Variants in NAV2 observed in about 807,000 individuals in gnomAD.
The protein encoded by NAV2 is neuron navigator 2, also known as helicase, APC down-regulated 1.
Under a neutral mutation model 223.2 loss-of-function variants are expected in NAV2, and 54 were observed. The ratio of observed to expected loss-of-function variants is 0.24; its 90% CI spans 0.19 to 0.30. NAV2 has a LOEUF of 0.30. NAV2 is among the 10% of genes least tolerant of loss of function. The probability of loss-of-function intolerance (pLI) is 1.00; values close to 1 mark genes in which losing one functional copy is unlikely to be tolerated. For synonymous variants in NAV2, 1,279 were observed against 1,239.3 expected (o/e 1.03, Z -0.67); for missense variants, 2,806 against 3,147.5 (o/e 0.89, Z 2.60).
intron 11 of NAV2, among the ~76,000 whole-genome samples, chr11:19,995,985 G>C (rs1406935730): frequency 6.6e-6 from 1 of 152,152 alleles, no homozygotes; most frequent in East Asian, 1.9e-4. Context: ...CTCCTATGCT[G>C]TGATTTTTCA....
At chr11:19,936,592 G>A (rs1431085722) in intron 7 of NAV2, among the ~76,000 whole-genome samples, 2 of 152,148 alleles carry the variant, frequency 1.3e-5, no homozygotes, top group Non-Finnish European at 1.5e-5. Context: ...GGGAAGTGAC[G>A]CTGGAAATAA....
chr11:19,726,620 G>A (rs1354996392), intron 1 of NAV2, among the ~76,000 whole-genome samples: 2 of 152,196 alleles, frequency 1.3e-5, no homozygotes, highest in Admixed American at 6.5e-5. Context: ...CAACAGGCAC[G>A]ATTCCACTTT....
At chr11:19,859,778 C>A (rs1423450890) in intron 3 of NAV2, among the ~76,000 whole-genome samples, 1 of 148,914 alleles carries the variant, frequency 6.7e-6, no homozygotes, top group Non-Finnish European at 1.5e-5. Context: ...GGCTGACCCC[C>A]CCACCTCCCT....
intron 6 of NAV2, among the ~76,000 whole-genome samples, chr11:19,917,396 G>T (rs2043896132): frequency 6.6e-6 from 1 of 152,138 alleles, no homozygotes; most frequent in Non-Finnish European, 1.5e-5. Context: ...ATGTTCCCTA[G>T]CAATTTTCTG....
At position 19,984,146 on chromosome 11, in the gene NAV2, T is replaced by C. The variant is rs1489520643; in HGVS notation, c.2667T>C (p.Leu889=). 6.2e-7 allele frequency: 1 copy of C among 1,614,170 alleles called. No individual in the cohort carries two copies. Among genetic ancestry groups the C allele is most frequent in the East Asian group, 2.2e-5 (1 of 44,886 alleles). The change falls in exon 11 of 38, where the codon CTT becomes CTC. Residue 889 remains leucine, a synonymous_variant. Transcript: ENST00000349880. ...ITSGYMTDGG[L]GLYTRRLNRL... is the part of the protein sequence containing the mutation. ...AAAGATACATGACTGATGGTGGACT[T>C]GGCCTCTATACCCGTCGCCTGAACC...
At chr11:19,366,449 G>T (rs1038964018) in intron 1 of NAV2, among the ~76,000 whole-genome samples, 2 of 151,798 alleles carry the variant, frequency 1.3e-5, no homozygotes, top group African/African-American at 4.9e-5. Context: ...GCTTTCCTTG[G>T]GATGCTAGTT....
At chr11:20,029,157 T>C (rs1342466514) in intron 11 of NAV2, among the ~76,000 whole-genome samples, 1 of 152,196 alleles carries the variant, frequency 6.6e-6, no homozygotes, top group African/African-American at 2.4e-5. Context: ...TACCAACTTT[T>C]CTCTGAGCAT....
intron 1 of NAV2, among the ~76,000 whole-genome samples, chr11:19,719,147 A>G (rs542303770): frequency 8.1e-4 from 123 of 152,334 alleles, no homozygotes; most frequent in Admixed American, 6.9e-3. Context: ...CAAACCACCC[A>G]GCGAGATTTT....
intron 5 of NAV2, among the ~76,000 whole-genome samples, chr11:19,881,975 T>C (rs2063244174): frequency 6.6e-6 from 1 of 152,210 alleles, no homozygotes; most frequent in Admixed American, 6.5e-5. Context: ...TGGATGACAG[T>C]GTGACCTGTG....
chr11:19,713,572 C>T lies in NAV2; in HGVS notation c.-124C>T, dbSNP rs918165413. On this transcript the variant is annotated 5_prime_UTR_variant, in exon 1 of 38. Transcript: ENST00000349880. This position sits in a 1 kb window ranked among gnomAD's most constrained non-coding sequence, Gnocchi z 7.2. ...CCGACCTGGGGATTTTTTTTTTAGCCGCTGGTGGTGGGCGCCTCGTGGGCT... is the reference window on the plus strand; with the variant it reads ...CCGACCTGGGGATTTTTTTTTTAGCTGCTGGTGGTGGGCGCCTCGTGGGCT... 2.3e-5 allele frequency: 32 copies of T among 1,400,684 alleles called. No homozygotes were observed. The highest frequency in any genetic ancestry group is 2.9e-5 in the Non-Finnish European group (31 of 1,076,964). The allele number at this position is 1,400,684 out of a possible 1,614,324, so 86.8% of individuals were successfully genotyped here. A position where few individuals can be genotyped will look rare whatever the true frequency, so the allele number is the denominator to read the frequency against.
At chr11:20,114,888 T>C in intron 37 of NAV2, 93 bp downstream of exon 37, 1 of 1,256,180 alleles carries the variant, frequency 8.0e-7, no homozygotes, top group African/African-American at 1.5e-5. Context: ...CAAAGGTGAC[T>C]AAATCCAGCC....
intron 1 of NAV2, among the ~76,000 whole-genome samples, chr11:19,528,065 C>T (rs749408650): frequency 2.0e-5 from 3 of 152,122 alleles, no homozygotes; most frequent in African/African-American, 7.2e-5. Flanking sequence ...AATCAAGCCA[C>T]GTTCCCTGCT....
At chr11:20,061,858 A>G (rs576921015) in intron 19 of NAV2, among the ~76,000 whole-genome samples, 1 of 152,342 alleles carries the variant, frequency 6.6e-6, no homozygotes, top group South Asian at 2.1e-4. Flanking sequence ...ACAGATGCCA[A>G]CAGGGTAAAA....
rs988361928 is a variant in NAV2, at chr11:20,119,247, G to C, written c.*989G>C. Reference sequence around the variant, plus strand: ...TCCTTTGGTGAAAGTAAGAACCGCAGGAGTTGAGTTTTGGTTTGGTCCTGC... The same window carrying C: ...TCCTTTGGTGAAAGTAAGAACCGCACGAGTTGAGTTTTGGTTTGGTCCTGC... On this transcript the variant is annotated 3_prime_UTR_variant, in exon 38 of 38. Coordinates refer to ENST00000349880, the MANE Select transcript of NAV2 (RefSeq NM_145117.5). 3.9e-5 allele frequency: 6 copies of C among 152,062 alleles called. No individual in the cohort carries two copies. The highest frequency in any genetic ancestry group is 3.9e-4 in the Admixed American group (6 of 15,272). 9.4% of individuals were successfully genotyped at this position (152,062 alleles called of 1,614,324 possible).
intron 1 of NAV2, among the ~76,000 whole-genome samples, chr11:19,360,895 T>C (rs2133785156): frequency 6.6e-6 from 1 of 152,270 alleles, no homozygotes; most frequent in East Asian, 1.9e-4. Flanking sequence ...CTTAAATAAA[T>C]GTCTACTTAG....
chr11:19,390,287 C>G (rs1279186124), intron 1 of NAV2, among the ~76,000 whole-genome samples: 5 of 152,104 alleles, frequency 3.3e-5, no homozygotes, highest in Non-Finnish European at 7.4e-5. Context: ...CCTGGGCCCA[C>G]AGTTTTCTGT....
At chr11:19,360,810 G>A (rs969335910) in intron 1 of NAV2, among the ~76,000 whole-genome samples, 5 of 152,198 alleles carry the variant, frequency 3.3e-5, no homozygotes, top group African/African-American at 1.2e-4. Flanking sequence ...TCTCTTGAAT[G>A]TTTGTCTTTC....
intron 6 of NAV2, among the ~76,000 whole-genome samples, chr11:19,899,890 T>A (rs1342368575): frequency 1.3e-5 from 2 of 152,152 alleles, no homozygotes; most frequent in Non-Finnish European, 2.9e-5. Context: ...ATGGAGGGCT[T>A]GTAGAGTGTA....
At chr11:19,945,687 G>C (rs1284603742) in intron 8 of NAV2, among the ~76,000 whole-genome samples, 1 of 152,184 alleles carries the variant, frequency 6.6e-6, no homozygotes, top group Non-Finnish European at 1.5e-5. Context: ...GCACCAGCTG[G>C]CTTGTGTTGA....
Sources: gnomAD v4.1 joint callset for allele counts (sites outside exome capture counted in the v4.1 genomes callset) on GRCh38, gnomAD v4.1.1 for gene constraint, Gnocchi (gnomAD v3.1) non-coding constraint, MANE v1.5 for transcripts, NCBI Gene and HGNC (gene_info 2026-07-23, HGNC 2026-07-21) for gene names.